PELO: variants seen among roughly 807,000 people sequenced by gnomAD.
PELO encodes pelota mRNA surveillance and ribosome rescue factor.
Under a neutral mutation model 25.9 loss-of-function variants are expected in PELO, and 19 were observed. The observed-to-expected ratio is 0.73, with a 90% confidence interval of 0.51 to 1.08. PELO has a LOEUF of 1.08. PELO is among the 50% of genes least tolerant of loss of function. The pLI, the probability that PELO is intolerant of heterozygous loss-of-function variation, is 0.00. For missense variants in PELO, 498 were observed against 491.4 expected, an observed-to-expected ratio of 1.01 and a Z score of -0.13; for synonymous variants, 196 against 192.2, an observed-to-expected ratio of 1.02 and a Z score of -0.16.
intron 1 of PELO, among the ~76,000 whole-genome samples, chr5:52,792,778 T>C (rs551129420): frequency 2.6e-5 from 4 of 152,146 alleles, no homozygotes; most frequent in Admixed American, 6.5e-5. Flanking sequence ...TACAAAATAG[T>C]GTACTCAAAT....
rs149861705 is a variant in PELO at position 52,793,241 on chromosome 5, C to G, written c.-511+4827C>G. On this transcript the variant is annotated intron_variant, in intron 1 of 2. Transcript: ENST00000274311. ...GTGAGGGTAGGATCTTTAACCATAA[C>G]ACCTAGAAATAATAGGCACTTTTTA... is the stretch of plus-strand genomic sequence containing the variant. 5.0e-3 allele frequency among the ~76,000 whole-genome samples: 757 copies of G among 152,180 alleles called. 4 individuals carry two copies. Among genetic ancestry groups the G allele is most frequent in the African/African-American group, 0.017 (694 of 41,540 alleles).
At position 52,800,046 on chromosome 5, in the gene PELO, G is replaced by C; in HGVS notation, c.-349G>C. 3.2e-6 allele frequency: 1 copy of C among 312,800 alleles called. No individual in the cohort carries two copies. Among genetic ancestry groups the C allele is most frequent in the Non-Finnish European group, 6.1e-6 (1 of 164,796 alleles). 19.4% of individuals were successfully genotyped at this position (312,800 alleles called of 1,614,324 possible). A position where few individuals can be genotyped will look rare whatever the true frequency, so the allele number is the denominator to read the frequency against. ...ACTGCGGCCCCGCCTCTCCTTTGGG[G>C]ACGGGAGACGTGCGTCGGGTCGCGG... On this transcript the variant is annotated 5_prime_UTR_variant, in exon 2 of 3. Coordinates refer to ENST00000274311, the MANE Select transcript of PELO (RefSeq NM_015946.5).
rs1270967872 is a variant in PELO, at chr5:52,802,034, C to T, written c.*194C>T. 5.8e-6 allele frequency: 3 copies of T among 519,326 alleles called. No individual in the cohort carries two copies. In the East Asian group the frequency reaches 9.5e-5, roughly 16 times the overall value. 32.2% of individuals were successfully genotyped at this position (519,326 alleles called of 1,614,324 possible). A position where few individuals can be genotyped will look rare whatever the true frequency, so the allele number is the denominator to read the frequency against. On this transcript the variant is annotated 3_prime_UTR_variant, in exon 3 of 3. Coordinates refer to ENST00000274311, the MANE Select transcript of PELO (RefSeq NM_015946.5). ...AAACAATAAACTAAAAGGAAATAAT[C>T]TCCACGTACTACCATCTTGATTAAA... is the stretch of plus-strand genomic sequence containing the variant.
rs1404390999 is a variant in PELO at position 52,800,322 on chromosome 5, A to C, written c.-73A>C. 2.7e-5 allele frequency: 42 copies of C among 1,561,696 alleles called. No individual in the cohort carries two copies. The highest frequency in any genetic ancestry group is 3.2e-5 in the Non-Finnish European group (37 of 1,141,956). On this transcript the variant is annotated 5_prime_UTR_variant, in exon 2 of 3. Transcript: ENST00000274311. ...CGCCCCCTTCCTGGCCTGCATTCCCATCCCCTCTCCCGGGGCGGAGGTGAG... is the reference window on the plus strand; with the variant it reads ...CGCCCCCTTCCTGGCCTGCATTCCCCTCCCCTCTCCCGGGGCGGAGGTGAG...
In PELO at chr5:52,800,575, G is replaced by A. The variant is rs2111662116; in HGVS notation, c.181G>A (p.Val61Ile). 3.1e-6 allele frequency: 5 copies of A among 1,613,652 alleles called. No homozygotes were observed. Among genetic ancestry groups the A allele is most frequent in the South Asian group, 1.1e-5 (1 of 91,036 alleles). Residue 61 changes from valine (V) to isoleucine (I), a missense_variant, in exon 2 of 3, where the codon GTC becomes ATC. Physicochemically the swap from Val to Ile is conservative, Grantham distance 29. Coordinates refer to ENST00000274311, the MANE Select transcript of PELO (RefSeq NM_015946.5). ...CACGGGCAGCGTGGGCAGCAACCGG[G>A]TCCGCACTACCCTCACTCTCTGCGT... ...SSTGSVGSNR[V>I]RTTLTLCVEA...
chr5:52,803,959 AC>A lies in PELO; in HGVS notation c.*2120del. 1 of 152,152 alleles carries A rather than the reference AC, an allele frequency of 6.6e-6. No individual in the cohort carries two copies. Among genetic ancestry groups the A allele is most frequent in the Non-Finnish European group, 1.5e-5 (1 of 68,018 alleles). The allele number at this position is 152,152 out of a possible 1,614,324, so 9.4% of individuals were successfully genotyped here. ...TCTTTCAAAAAAGTTAACTGGCCATACTCAACTGTCTATAAAACCTCTATAA... is the reference window on the plus strand; with the variant it reads ...TCTTTCAAAAAAGTTAACTGGCCATATCAACTGTCTATAAAACCTCTATAA... On this transcript the variant is annotated 3_prime_UTR_variant, in exon 3 of 3. Transcript: ENST00000274311.
chr5:52,791,298 A>G (rs2111639887), intron 1 of PELO, among the ~76,000 whole-genome samples: 1 of 152,318 alleles, frequency 6.6e-6, no homozygotes, highest in South Asian at 2.1e-4. Flanking sequence ...GTAGGGAAAA[A>G]AGAACCTGAA....
At position 52,796,914 on chromosome 5, in the gene PELO, T is replaced by G. The variant is rs1057470409; in HGVS notation, c.-510-2971T>G. The stretch of plus-strand genomic sequence containing the variant: ...GACATTTTAAACAGAGAAGTTAGTA[T>G]GAGTTAAGGTAGCAAACGAGAAAGT... On this transcript the variant is annotated intron_variant, in intron 1 of 2. Transcript: ENST00000274311. Among the ~76,000 whole-genome samples the G allele has an allele frequency of 7.2e-5, 11 of 152,174 alleles. No individual in the cohort carries two copies. The South Asian group carries it at 1.0e-3, about 14-fold the overall frequency.
At position 52,801,703 on chromosome 5, in the gene PELO, G is replaced by C. The variant is rs369706302; in HGVS notation, c.1021G>C (p.Gly341Arg). ...GGTGGACAGTGTGAAAGAGAATGCA[G>C]GCACCGTTAGGATATTCTCTAGTCT... ...RLVDSVKENA[G>R]TVRIFSSLHV... Residue 341 changes from glycine (G) to arginine (R), a missense_variant, in exon 3 of 3, where the codon GGC becomes CGC. Transcript: ENST00000274311. 40 of 1,614,118 alleles carry C rather than the reference G, an allele frequency of 2.5e-5. No individual in the cohort carries two copies. The African/African-American group carries it at 3.7e-4, about 15-fold the overall frequency.
chr5:52,793,797 C>A (rs369543943), intron 1 of PELO, among the ~76,000 whole-genome samples: 1 of 151,962 alleles, frequency 6.6e-6, no homozygotes, highest in Non-Finnish European at 1.5e-5. Flanking sequence ...AACAGAGCTC[C>A]CTCCAAATGC....
chr5:52,800,433 G>A lies in PELO; in HGVS notation c.39G>A (p.Ala13=), dbSNP rs781139548. The A allele has an allele frequency of 1.2e-5, 20 of 1,613,906 alleles. No individual in the cohort carries two copies. The highest frequency in any genetic ancestry group is 1.7e-6 in the Non-Finnish European group (2 of 1,180,018). Residue 13 remains alanine (A), a synonymous_variant, in exon 2 of 3, where the codon GCG becomes GCA. Transcript: ENST00000274311. ...LVRKNIEKDN[A]GQVTLVPEEP... ...GGAAGAACATCGAGAAGGACAATGC[G>A]GGCCAGGTGACCCTGGTCCCCGAGG...
chr5:52,790,699 C>T (rs370545623), intron 1 of PELO, among the ~76,000 whole-genome samples: 23 of 152,298 alleles, frequency 1.5e-4, no homozygotes, highest in Non-Finnish European at 2.9e-4. Flanking sequence ...AATGTGCCTA[C>T]CAGAATAATC....
At position 52,799,195 on chromosome 5, in the gene PELO, C is replaced by T. The variant is rs1748404038; in HGVS notation, c.-510-690C>T. Among the ~76,000 whole-genome samples the T allele has an allele frequency of 2.6e-5, 4 of 152,144 alleles. No homozygotes were observed. In the South Asian group the frequency reaches 8.3e-4, roughly 31 times the overall value. ...TTTAGATTCTTTTGTTTTTTCTATT[C>T]ATCGGTCTCTTAAAGAGGCAATCCC... On this transcript the variant is annotated intron_variant, in intron 1 of 2. Coordinates refer to ENST00000274311, the MANE Select transcript of PELO (RefSeq NM_015946.5).
In PELO at chr5:52,800,332, C is replaced by A. The variant is rs918613489; in HGVS notation, c.-63C>A. 1.9e-6 allele frequency: 3 copies of A among 1,589,988 alleles called. No individual in the cohort carries two copies. The highest frequency in any genetic ancestry group is 1.7e-5 in the Admixed American group (1 of 58,900). ...CTGGCCTGCATTCCCATCCCCTCTC[C>A]CGGGGCGGAGGTGAGGACCTCCTTG... is the stretch of plus-strand genomic sequence containing the variant. On this transcript the variant is annotated 5_prime_UTR_variant, in exon 2 of 3. Transcript: ENST00000274311.
chr5:52,789,602 T>C (rs1198714917), intron 1 of PELO, among the ~76,000 whole-genome samples: 1 of 152,236 alleles, frequency 6.6e-6, no homozygotes, highest in Non-Finnish European at 1.5e-5. Flanking sequence ...ACTCAGGAAA[T>C]GTCCAATAAT....
intron 1 of PELO, among the ~76,000 whole-genome samples, chr5:52,791,737 C>T (rs1040703898): frequency 1.7e-5 from 1 of 60,282 alleles, no homozygotes; most frequent in African/African-American, 6.0e-5. Flanking sequence ...GTTCTTTTTT[C>T]ACTCCCTCAG....
intron 1 of PELO, among the ~76,000 whole-genome samples, chr5:52,788,970 G>A (rs1748185293): frequency 6.6e-6 from 1 of 152,158 alleles, no homozygotes; most frequent in South Asian, 2.1e-4. Context: ...CCCAAGAGGA[G>A]GGATATTTTG....
intron 1 of PELO, among the ~76,000 whole-genome samples, chr5:52,796,914 T>C (rs1057470409): frequency 6.6e-6 from 1 of 152,058 alleles, no homozygotes; most frequent in Non-Finnish European, 1.5e-5. Context: ...GAAGTTAGTA[T>C]GAGTTAAGGT....
intron 1 of PELO, among the ~76,000 whole-genome samples, chr5:52,789,145 T>C (rs1384725891): frequency 6.6e-6 from 1 of 152,190 alleles, no homozygotes; most frequent in Non-Finnish European, 1.5e-5. Flanking sequence ...TAGAAAAAGC[T>C]TGAAATATAG....
Sources: allele counts gnomAD v4.1 joint callset (sites outside exome capture counted in the v4.1 genomes callset), GRCh38; gene constraint gnomAD v4.1.1; transcripts MANE v1.5; gene names NCBI Gene and HGNC (gene_info 2026-07-23, HGNC 2026-07-21).